SNX2: variants seen among roughly 807,000 people sequenced by gnomAD.
SNX2 encodes sorting nexin-2.
Under a neutral mutation model 69.9 loss-of-function variants are expected in SNX2, and 25 were observed. The observed-to-expected ratio is 0.36, with a 90% CI of 0.26 to 0.50. The LOEUF (loss-of-function observed/expected upper bound fraction) is 0.50. Among genes scored for constraint, SNX2 ranks in the 20% least tolerant of loss-of-function variants. The pLI is 0.97. For missense variants in SNX2, 551 were observed against 613.3 expected (o/e 0.90, Z 1.07); for synonymous variants, 229 against 200.4 (o/e 1.14, Z -1.20).
intron 1 of SNX2, among the ~76,000 whole-genome samples, chr5:122,790,070 T>C (rs531810821): frequency 6.6e-6 from 1 of 152,312 alleles, no homozygotes; most frequent in Admixed American, 6.5e-5. Flanking sequence ...TCTCATACAA[T>C]TGTAGTCAGG....
intron 3 of SNX2, 47 bp from the exon 4 acceptor site, chr5:122,801,822 A>C (rs1753522955): frequency 8.4e-7 from 1 of 1,194,586 alleles, no homozygotes; most frequent in Non-Finnish European, 1.2e-6. Flanking sequence ...CATGACAATA[A>C]TTTAAATTAT....
In SNX2 at chr5:122,801,113, C is replaced by G. The variant is rs562786361; in HGVS notation, c.391-756C>G. On this transcript the variant is annotated intron_variant, in intron 3 of 14. Coordinates refer to ENST00000379516, the MANE Select transcript of SNX2 (RefSeq NM_003100.4). ...ATCACTTCTGCTGGTAAGTAAGGTT[C>G]TACTGGTAAAAGTAATGACTACCTA... Among the ~76,000 whole-genome samples, 10 of 152,140 alleles carry G rather than the reference C, an allele frequency of 6.6e-5. No homozygotes were observed. In the South Asian group the frequency reaches 1.7e-3, roughly 25 times the overall value.
At chr5:122,806,423 TCTC>T (rs1207586433) in intron 6 of SNX2, among the ~76,000 whole-genome samples, 2 of 152,010 alleles carry the variant, frequency 1.3e-5, no homozygotes, top group East Asian at 1.9e-4. Flanking sequence ...AGTCATAACT[TCTC>T]CTGTTTGCTG....
At chr5:122,823,275 CTTTT>C (rs1754065509) in intron 11 of SNX2, among the ~76,000 whole-genome samples, 1 of 152,084 alleles carries the variant, frequency 6.6e-6, no homozygotes, top group African/African-American at 2.4e-5. Flanking sequence ...GGTGCTGGTT[CTTTT>C]TTATTTTCTG....
At chr5:122,779,794 G>C (rs1248561832) in intron 1 of SNX2, among the ~76,000 whole-genome samples, 1 of 152,090 alleles carries the variant, frequency 6.6e-6, no homozygotes. Context: ...TTTGTTAATA[G>C]GTAAATGTGT....
chr5:122,784,409 G>GATAAA (rs1404026571), intron 1 of SNX2, among the ~76,000 whole-genome samples: 1 of 151,668 alleles, frequency 6.6e-6, no homozygotes, highest in Non-Finnish European at 1.5e-5. Flanking sequence ...TTTTATCCAT[G>GATAAA]AACGGATGTT....
intron 2 of SNX2, chr5:122,795,634 G>T: frequency 3.3e-6 from 1 of 302,442 alleles, no homozygotes; most frequent in South Asian, 8.6e-5. Flanking sequence ...TTGATTGGGG[G>T]CAGTATTTAG....
chr5:122,812,832 C>G (rs572568201), intron 7 of SNX2, among the ~76,000 whole-genome samples: 1 of 152,256 alleles, frequency 6.6e-6, no homozygotes, highest in South Asian at 2.1e-4. Flanking sequence ...GACCCAGGCT[C>G]TTTCTACCTT....
intron 2 of SNX2, among the ~76,000 whole-genome samples, chr5:122,796,897 A>G (rs190406612): frequency 1.3e-5 from 2 of 152,156 alleles, no homozygotes; most frequent in African/African-American, 4.8e-5. Flanking sequence ...GGACTATACA[A>G]TGATATTTGC....
At chr5:122,808,933 G>C (rs1260795721) in intron 7 of SNX2, among the ~76,000 whole-genome samples, 2 of 151,986 alleles carry the variant, frequency 1.3e-5, no homozygotes, top group East Asian at 3.9e-4. Flanking sequence ...TGCCCCCCTT[G>C]TGTTTGTATA....
At chr5:122,824,463 A>G (rs1453661044) in intron 11 of SNX2, among the ~76,000 whole-genome samples, 1 of 152,192 alleles carries the variant, frequency 6.6e-6, no homozygotes, top group Non-Finnish European at 1.5e-5. Context: ...AAATATAAGA[A>G]AAGCAGACAA....
chr5:122,806,144 A>ACGCG (rs1411962572), intron 6 of SNX2, among the ~76,000 whole-genome samples: 55 of 8,944 alleles, frequency 6.1e-3, no homozygotes, highest in East Asian at 0.031. Context: ...ACGCGCGCGC[A>ACGCG]CACACACACA....
intron 7 of SNX2, among the ~76,000 whole-genome samples, chr5:122,813,027 C>T (rs1335423077): frequency 6.6e-6 from 1 of 152,168 alleles, no homozygotes; most frequent in Non-Finnish European, 1.5e-5. Flanking sequence ...AGAACAATTA[C>T]TGAGCACCTC....
chr5:122,805,852 C>A (rs1329772494), intron 6 of SNX2, among the ~76,000 whole-genome samples: 1 of 152,122 alleles, frequency 6.6e-6, no homozygotes, highest in African/African-American at 2.4e-5. Flanking sequence ...GCTATCTTGG[C>A]TCACTGCAAG....
At chr5:122,820,405 G>A (rs1237235924) in intron 11 of SNX2, among the ~76,000 whole-genome samples, 5 of 152,074 alleles carry the variant, frequency 3.3e-5, no homozygotes, top group Admixed American at 3.3e-4. Flanking sequence ...ACATGGTGGC[G>A]TATGCCTGTA....
At chr5:122,793,746 T>C (rs886245739) in intron 1 of SNX2, among the ~76,000 whole-genome samples, 5 of 149,468 alleles carry the variant, frequency 3.3e-5, no homozygotes, top group African/African-American at 1.2e-4. Flanking sequence ...CCATCTCTAC[T>C]AAAAATACAA....
intron 7 of SNX2, among the ~76,000 whole-genome samples, chr5:122,813,358 A>C (rs12517355): frequency 6.6e-6 from 1 of 152,106 alleles, no homozygotes; most frequent in Non-Finnish European, 1.5e-5. Flanking sequence ...ATTTTTTAGT[A>C]TATGTATTTA....
intron 11 of SNX2, among the ~76,000 whole-genome samples, chr5:122,820,422 G>T (rs1049734465): frequency 5.9e-5 from 9 of 152,130 alleles, no homozygotes; most frequent in African/African-American, 1.9e-4. Context: ...TGTAATCCTA[G>T]CTACTCAGGA....
intron 7 of SNX2, among the ~76,000 whole-genome samples, chr5:122,812,152 A>C (rs1432747681): frequency 6.6e-6 from 1 of 152,190 alleles, no homozygotes; most frequent in Non-Finnish European, 1.5e-5. Flanking sequence ...ACAGAACTTT[A>C]CAGTAGTCAT....
Sources: allele counts gnomAD v4.1 joint callset (sites outside exome capture counted in the v4.1 genomes callset), GRCh38; gene constraint gnomAD v4.1.1; transcripts MANE v1.5; gene names NCBI Gene and HGNC (gene_info 2026-07-23, HGNC 2026-07-21).